ABCA1: variants seen among roughly 807,000 people sequenced by gnomAD.
The protein encoded by ABCA1 is phospholipid-transporting ATPase ABCA1.
In ABCA1, 133 loss-of-function variants were observed where a neutral mutation model predicts 262.5. The observed-to-expected ratio is 0.51, with a 90% CI of 0.44 to 0.59. The LOEUF (loss-of-function observed/expected upper bound fraction) is 0.59. Ranked by LOEUF, ABCA1 falls within the 20% of genes least tolerant of loss-of-function variation. ABCA1 has a pLI of 0.00. For missense variants in ABCA1, 2,452 were observed against 2,777.5 expected (o/e 0.88, Z 2.63); for synonymous variants, 1,022 against 1,043.5 (o/e 0.98, Z 0.40).
Position 104,887,722 on chromosome 9 carries a change from C to CTT in ABCA1, c.160+1378_160+1379dup, listed in dbSNP as rs56828334. ...AATTGCATATAAATTTCAGTTTATG[C>CTT]TTTTTTTTTTTTTTTTTTTTTTGAG... is the stretch of plus-strand genomic sequence containing the variant. On this transcript the variant is annotated intron_variant, in intron 3 of 49. Transcript: ENST00000374736. Among the ~76,000 whole-genome samples the CTT allele has an allele frequency of 7.7e-3, 763 of 98,808 alleles. 7 individuals are homozygous for CTT. Among genetic ancestry groups the CTT allele is most frequent in the South Asian group, 8.9e-3 (22 of 2,472 alleles). 64.8% of individuals were successfully genotyped at this position (98,808 alleles called of 152,430 possible).
At chr9:104,838,312 A>AG (rs1206044836) in intron 9 of ABCA1, among the ~76,000 whole-genome samples, 4 of 150,588 alleles carry the variant, frequency 2.7e-5, no homozygotes, top group African/African-American at 7.4e-5. Flanking sequence ...TCCCAAAAAA[A>AG]AAAAAAAAAA....
intron 22 of ABCA1, among the ~76,000 whole-genome samples, chr9:104,819,186 T>G (rs1245246318): frequency 6.6e-6 from 1 of 152,194 alleles, no homozygotes; most frequent in African/African-American, 2.4e-5. Context: ...GCACCACTAT[T>G]ATTATCGGCA....
chr9:104,907,294 T>C (rs1841215048), intron 1 of ABCA1, among the ~76,000 whole-genome samples: 1 of 152,210 alleles, frequency 6.6e-6, no homozygotes, highest in Non-Finnish European at 1.5e-5. Context: ...ACTTCTTCAA[T>C]GTCCTTTCCT....
At chr9:104,874,973 G>A (rs1280025735) in intron 5 of ABCA1, among the ~76,000 whole-genome samples, 12 of 151,064 alleles carry the variant, frequency 7.9e-5, no homozygotes, top group African/African-American at 1.2e-4. Flanking sequence ...CCCGGCCGCC[G>A]CCCCATCTGG....
intron 5 of ABCA1, among the ~76,000 whole-genome samples, chr9:104,862,652 GC>G (rs1488832306): frequency 2.6e-4 from 1 of 3,892 alleles, no homozygotes; most frequent in Non-Finnish European, 7.0e-4. Flanking sequence ...GCCGGGCCGG[GC>G]CGGGCCGGGC....
chr9:104,837,701 A>G (rs1588358821), intron 9 of ABCA1, 134 bp from the exon 10 acceptor site: 1 of 1,067,606 alleles, frequency 9.4e-7, no homozygotes, highest in Non-Finnish European at 1.4e-6. Flanking sequence ...TAAGTAACTT[A>G]TCTGAGCCTC....
At chr9:104,916,680 T>G (rs1841861943) in intron 1 of ABCA1, among the ~76,000 whole-genome samples, 1 of 152,036 alleles carries the variant, frequency 6.6e-6, no homozygotes, top group South Asian at 2.1e-4. Flanking sequence ...AGAAAACAAG[T>G]CCTTTTTTTT....
chr9:104,918,133 C>T (rs1371489177), intron 1 of ABCA1, among the ~76,000 whole-genome samples: 3 of 144,472 alleles, frequency 2.1e-5, no homozygotes, highest in South Asian at 2.4e-4. Flanking sequence ...CCATCACCCA[C>T]GGTCTGGTTG....
chr9:104,892,096 C>T (rs1839806221), intron 2 of ABCA1, among the ~76,000 whole-genome samples: 1 of 147,812 alleles, frequency 6.8e-6, no homozygotes, highest in African/African-American at 2.5e-5. Context: ...ATAAAACTAT[C>T]AAGAATAGTT....
intron 9 of ABCA1, among the ~76,000 whole-genome samples, chr9:104,839,451 C>T (rs998392799): frequency 3.3e-5 from 5 of 152,156 alleles, no homozygotes; most frequent in Non-Finnish European, 5.9e-5. Context: ...GCAGGGTTAT[C>T]ATGAGGGTAA....
chr9:104,828,824 G>A, intron 15 of ABCA1, 92 bp downstream of exon 15: 1 of 1,300,454 alleles, frequency 7.7e-7, no homozygotes, highest in Non-Finnish European at 1.1e-6. Flanking sequence ...CTCTACCAGA[G>A]GCTTGGATTT....
intron 1 of ABCA1, among the ~76,000 whole-genome samples, chr9:104,906,329 A>G (rs930248277): frequency 1.3e-5 from 2 of 152,174 alleles, no homozygotes; most frequent in African/African-American, 4.8e-5. Flanking sequence ...AAAGGAAGAG[A>G]AGACACACCT....
intron 2 of ABCA1, among the ~76,000 whole-genome samples, chr9:104,897,665 C>T (rs1208276905): frequency 5.3e-5 from 8 of 152,178 alleles, no homozygotes; most frequent in South Asian, 2.1e-4. Flanking sequence ...TACAGTGGTG[C>T]AATCTTGGCT....
intron 2 of ABCA1, among the ~76,000 whole-genome samples, chr9:104,899,782 G>A (rs1840515926): frequency 6.6e-6 from 1 of 152,076 alleles, no homozygotes; most frequent in Non-Finnish European, 1.5e-5. Context: ...CAAAAGAAAA[G>A]AGGCCATGTG....
chr9:104,836,973 C>A lies in ABCA1; in HGVS notation c.1311+7G>T, dbSNP rs1309583820. 6.2e-7 allele frequency: 1 copy of A among 1,608,350 alleles called. No individual in the cohort carries two copies. The highest frequency in any genetic ancestry group is 1.1e-5 in the South Asian group (1 of 90,954). ...AGGCACATGGTAATAATGGGAGGGA[C>A]ACTCACCCGGACAAGGTCCATTTCT... On this transcript the variant is annotated splice_region_variant and intron_variant, in intron 11 of 49. Coordinates refer to ENST00000374736, the MANE Select transcript of ABCA1 (RefSeq NM_005502.4).
intron 1 of ABCA1, among the ~76,000 whole-genome samples, chr9:104,927,038 C>T (rs1451920329): frequency 3.3e-5 from 5 of 151,922 alleles, no homozygotes; most frequent in African/African-American, 1.2e-4. Flanking sequence ...AAGTTGAAAC[C>T]CCGTCTCTAC....
intron 11 of ABCA1, among the ~76,000 whole-genome samples, chr9:104,836,776 G>A (rs1430776225): frequency 6.6e-6 from 1 of 152,186 alleles, no homozygotes; most frequent in African/African-American, 2.4e-5. Context: ...GAGTGGCATG[G>A]ATGCTGATAT....
Position 104,820,829 on chromosome 9 carries a change from C to G in ABCA1, c.2960+546G>C, listed in dbSNP as rs1484955661. On this transcript the variant is annotated intron_variant, in intron 20 of 49. Coordinates refer to ENST00000374736, the MANE Select transcript of ABCA1 (RefSeq NM_005502.4). ...AATGGGAAGCAATGTTTCCCAAGCC[C>G]CCATCCACTGGCTGGGCTGATGTCA... 4.6e-5 allele frequency among the ~76,000 whole-genome samples: 7 copies of G among 152,170 alleles called. No individual in the cohort carries two copies. In the East Asian group the frequency reaches 1.3e-3, roughly 29 times the overall value.
intron 44 of ABCA1, among the ~76,000 whole-genome samples, chr9:104,790,096 C>CA (rs35840899): frequency 0.19 from 25,843 of 135,146 alleles, 3,101 homozygotes; most frequent in East Asian, 0.43. Context: ...AACTCCGTCT[C>CA]AAAAAAAAAA....
Sources: allele counts gnomAD v4.1 joint callset (sites outside exome capture counted in the v4.1 genomes callset), GRCh38; gene constraint gnomAD v4.1.1; transcripts MANE v1.5; gene names NCBI Gene and HGNC (gene_info 2026-07-23, HGNC 2026-07-21).